The following PARD3 variants were observed in gnomAD, a reference collection of about 807,000 sequenced individuals.
The protein encoded by PARD3 is par-3 family cell polarity regulator.
A neutral mutation model predicts 155.4 loss-of-function variants in PARD3; 75 were observed. That is an observed-to-expected ratio of 0.48 (90% CI 0.40 to 0.58). PARD3 has a LOEUF of 0.58. Ranked by LOEUF, PARD3 falls within the 20% of genes least tolerant of loss-of-function variation. The probability of loss-of-function intolerance (pLI) is 0.00; values close to 1 mark genes in which losing one functional copy is unlikely to be tolerated. For missense variants in PARD3, 1,642 were observed against 1,721.7 expected (o/e 0.95, Z 0.82); for synonymous variants, 576 against 610.5 (o/e 0.94, Z 0.83).
At chr10:34,598,150 T>C (rs1158538923) in intron 2 of PARD3, among the ~76,000 whole-genome samples, 1 of 152,172 alleles carries the variant, frequency 6.6e-6, no homozygotes, top group Non-Finnish European at 1.5e-5. Flanking sequence ...ATTATGCACA[T>C]TCATATCATC....
At chr10:34,603,246 C>T (rs9888021) in intron 2 of PARD3, among the ~76,000 whole-genome samples, 80,018 of 152,030 alleles carry the variant, frequency 0.53, 24,433 homozygotes, top group African/African-American at 0.86. Flanking sequence ...AAGTTTAAAT[C>T]AGAACCACCT....
intron 4 of PARD3, among the ~76,000 whole-genome samples, chr10:34,461,552 G>C (rs1275359037): frequency 2.0e-5 from 3 of 152,142 alleles, no homozygotes; most frequent in Non-Finnish European, 4.4e-5. Context: ...GTTGCAGTGA[G>C]CTGAGATCAC....
At chr10:34,195,091 A>G (rs568202014) in intron 22 of PARD3, among the ~76,000 whole-genome samples, 1 of 152,366 alleles carries the variant, frequency 6.6e-6, no homozygotes, top group Non-Finnish European at 1.5e-5. Context: ...AAATATGCCA[A>G]ACAATGTCTC....
At chr10:34,636,718 A>G (rs2092490605) in intron 2 of PARD3, among the ~76,000 whole-genome samples, 1 of 152,184 alleles carries the variant, frequency 6.6e-6, no homozygotes, top group Non-Finnish European at 1.5e-5. Flanking sequence ...CATGCGCTCT[A>G]GGGGAGGATT....
chr10:34,301,055 C>T (rs1421134324), intron 20 of PARD3, among the ~76,000 whole-genome samples: 1 of 152,152 alleles, frequency 6.6e-6, no homozygotes, highest in Non-Finnish European at 1.5e-5. Flanking sequence ...TTCTATTGCT[C>T]AAAAACTATG....
In PARD3 at chr10:34,337,471, G is replaced by C. The variant is rs201625233; in HGVS notation, c.2409-45C>G. The C allele has an allele frequency of 2.3e-5, 31 of 1,342,610 alleles. No individual in the cohort carries two copies. In the African/African-American group the frequency reaches 4.4e-4, roughly 19 times the overall value. 83.2% of individuals were successfully genotyped at this position (1,342,610 alleles called of 1,614,324 possible). Reference sequence around the variant, plus strand: ...AAAATAAAAATATTTACTAAAAATAGCACGCATCCATTTTAGGGAGGTTCA... The same window carrying C: ...AAAATAAAAATATTTACTAAAAATACCACGCATCCATTTTAGGGAGGTTCA... On this transcript the variant is annotated intron_variant, in intron 16 of 24. Transcript: ENST00000374788.
chr10:34,298,846 G>A (rs778498117), intron 20 of PARD3, among the ~76,000 whole-genome samples: 11 of 152,158 alleles, frequency 7.2e-5, no homozygotes, highest in Non-Finnish European at 1.0e-4. Context: ...ACTCTGAGGC[G>A]ACCATATGAT....
chr10:34,510,743 A>C (rs2081355833), intron 3 of PARD3, among the ~76,000 whole-genome samples: 1 of 152,118 alleles, frequency 6.6e-6, no homozygotes, highest in Non-Finnish European at 1.5e-5. Context: ...AACATATAGA[A>C]GTAGACAGAA....
At chr10:34,362,600 A>T (rs1839556554) in intron 12 of PARD3, among the ~76,000 whole-genome samples, 1 of 152,138 alleles carries the variant, frequency 6.6e-6, no homozygotes, top group Admixed American at 6.5e-5. Context: ...GGCTCAGGTG[A>T]TCCTCCCACT....
chr10:34,698,571 T>G (rs2094216837), intron 1 of PARD3, among the ~76,000 whole-genome samples: 1 of 152,190 alleles, frequency 6.6e-6, no homozygotes, highest in East Asian at 1.9e-4. Flanking sequence ...AGAGACAGTC[T>G]CGCTCTGTCA....
At chr10:34,119,856 G>A (rs1224416960) in intron 23 of PARD3, 116 bp from the exon 24 acceptor site, 1 of 990,382 alleles carries the variant, frequency 1.0e-6, no homozygotes, top group African/African-American at 1.7e-5. Context: ...AAAATTCTGT[G>A]ATTTGTTTTT....
chr10:34,737,360 C>T (rs953035957), intron 1 of PARD3, among the ~76,000 whole-genome samples: 9 of 152,210 alleles, frequency 5.9e-5, no homozygotes, highest in South Asian at 2.1e-4. Flanking sequence ...CACTCAGGTG[C>T]TTGGCTACAT....
intron 19 of PARD3, among the ~76,000 whole-genome samples, chr10:34,318,319 T>C (rs1958144179): frequency 1.3e-5 from 2 of 152,180 alleles, no homozygotes; most frequent in African/African-American, 4.8e-5. Flanking sequence ...AAGGTTCTCC[T>C]CCAAATACAA....
chr10:34,710,241 C>T (rs555667111), intron 1 of PARD3, among the ~76,000 whole-genome samples: 3 of 152,170 alleles, frequency 2.0e-5, no homozygotes, highest in Admixed American at 6.5e-5. Context: ...TGTTGTTCAC[C>T]GACTGTTACA....
At chr10:34,390,106 G>GT (rs1053062007) in intron 7 of PARD3, among the ~76,000 whole-genome samples, 3 of 151,898 alleles carry the variant, frequency 2.0e-5, no homozygotes, top group Admixed American at 6.6e-5. Context: ...GTTAAATTGC[G>GT]TTTTTTTCAA....
intron 1 of PARD3, among the ~76,000 whole-genome samples, chr10:34,783,397 G>T (rs534775372): frequency 6.6e-6 from 1 of 151,902 alleles, no homozygotes; most frequent in South Asian, 2.1e-4. Flanking sequence ...AAGGTCAGGA[G>T]ATCGAGACCA....
At chr10:34,567,531 G>C (rs1390040657) in intron 2 of PARD3, among the ~76,000 whole-genome samples, 1 of 152,094 alleles carries the variant, frequency 6.6e-6, no homozygotes, top group African/African-American at 2.4e-5. Flanking sequence ...TTTTTACACA[G>C]GTTTGACTTA....
In PARD3 at chr10:34,505,861, G is replaced by C. The variant is rs368662054; in HGVS notation, c.403+11118C>G. Among the ~76,000 whole-genome samples the C allele has an allele frequency of 3.3e-5, 5 of 152,280 alleles. No individual in the cohort carries two copies. In the East Asian group the frequency reaches 7.7e-4, roughly 23 times the overall value. ...GAAATACTGATGCCAGGCTGCATGT[G>C]GTAGCTCACGCTTATAATCCCAGCA... On this transcript the variant is annotated intron_variant, in intron 3 of 24. Transcript: ENST00000374788.
chr10:34,461,230 G>A (rs77750686), intron 4 of PARD3, among the ~76,000 whole-genome samples: 3,781 of 152,292 alleles, frequency 0.025, 161 homozygotes, highest in African/African-American at 0.086. Context: ...AACAGGACCT[G>A]AAGGGACTAG....
Sources: allele counts gnomAD v4.1 joint callset (sites outside exome capture counted in the v4.1 genomes callset), GRCh38; gene constraint gnomAD v4.1.1; transcripts MANE v1.5; gene names NCBI Gene and HGNC (gene_info 2026-07-23, HGNC 2026-07-21).